Variants in MACROD2 observed in about 807,000 individuals in gnomAD.
MACROD2 encodes the protein mono-ADP ribosylhydrolase 2, also known as ADP-ribose glycohydrolase MACROD2.
Under a neutral mutation model 70.4 loss-of-function variants are expected in MACROD2, and 36 were observed. That is an observed-to-expected ratio of 0.51 (90% confidence interval 0.39 to 0.68). MACROD2 has a LOEUF of 0.68. MACROD2 is among the 30% of genes least tolerant of loss of function. The pLI, the probability that MACROD2 is intolerant of heterozygous loss-of-function variation, is 0.00. For missense variants in MACROD2, 496 were observed against 538.4 expected (o/e 0.92, Z 0.78); for synonymous variants, 172 against 178.8 (o/e 0.96, Z 0.30).
In MACROD2 at chr20:15,072,664, G is replaced by T. The variant is rs75432676; in HGVS notation, c.419-157276G>T. On this transcript the variant is annotated intron_variant, in intron 5 of 17. Coordinates refer to ENST00000684519, the MANE Select transcript of MACROD2 (RefSeq NM_001351661.2). ...AGCTTTTAGCAAGATTCTTGTTTGA[G>T]GTTAGCCATCCTGCTATATAATCTG... Among the ~76,000 whole-genome samples, 49 of 152,184 alleles carry T rather than the reference G, an allele frequency of 3.2e-4. 1 individual carries two copies. The East Asian group carries it at 9.3e-3, about 29-fold the overall frequency.
chr20:14,448,108 C>T (rs1490417989), intron 3 of MACROD2, among the ~76,000 whole-genome samples: 1 of 151,626 alleles, frequency 6.6e-6, no homozygotes, highest in Non-Finnish European at 1.5e-5. Flanking sequence ...CAAGTGAGAA[C>T]TTTGCAGCCC....
At chr20:15,879,998 C>A (rs1400165269) in intron 9 of MACROD2, among the ~76,000 whole-genome samples, 1 of 152,126 alleles carries the variant, frequency 6.6e-6, no homozygotes, top group African/African-American at 2.4e-5. Flanking sequence ...TTCCCTCTTA[C>A]TCTCCAGGGG....
intron 7 of MACROD2, among the ~76,000 whole-genome samples, chr20:15,453,334 C>T (rs963741026): frequency 3.9e-5 from 6 of 151,900 alleles, no homozygotes; most frequent in Non-Finnish European, 8.8e-5. Context: ...TCTCTTTCTC[C>T]CTCCCTCCCC....
intron 6 of MACROD2, among the ~76,000 whole-genome samples, chr20:15,362,687 T>A (rs1189333714): frequency 6.6e-6 from 1 of 152,108 alleles, no homozygotes; most frequent in African/African-American, 2.4e-5. Context: ...AATGTAGTGA[T>A]CAAATAAATT....
chr20:15,082,907 G>T (rs1012345914), intron 5 of MACROD2, among the ~76,000 whole-genome samples: 2 of 152,136 alleles, frequency 1.3e-5, no homozygotes, highest in Non-Finnish European at 2.9e-5. Flanking sequence ...GTGGTTATAA[G>T]ATTGTTAAAT....
At chr20:14,900,069 G>T (rs1376774240) in intron 5 of MACROD2, among the ~76,000 whole-genome samples, 1 of 152,022 alleles carries the variant, frequency 6.6e-6, no homozygotes, top group African/African-American at 2.4e-5. Flanking sequence ...ATTGAGATGA[G>T]CATATGGTTT....
At chr20:14,316,558 T>C (rs902200568) in intron 3 of MACROD2, among the ~76,000 whole-genome samples, 7 of 152,154 alleles carry the variant, frequency 4.6e-5, no homozygotes, top group Non-Finnish European at 8.8e-5. Flanking sequence ...CATGAGTTTT[T>C]TTTGTGATTT....
chr20:15,646,209 C>T (rs1205306041), intron 8 of MACROD2, among the ~76,000 whole-genome samples: 1 of 152,148 alleles, frequency 6.6e-6, no homozygotes, highest in East Asian at 1.9e-4. Flanking sequence ...TATTAATTCA[C>T]AGCAAAAACA....
At chr20:15,221,860 T>C (rs2076864666) in intron 5 of MACROD2, among the ~76,000 whole-genome samples, 1 of 152,204 alleles carries the variant, frequency 6.6e-6, no homozygotes, top group Non-Finnish European at 1.5e-5. Context: ...GAACCAACTT[T>C]CCAGTTGAGC....
chr20:15,328,979 G>A (rs2077962614), intron 6 of MACROD2, among the ~76,000 whole-genome samples: 1 of 151,746 alleles, frequency 6.6e-6, no homozygotes, highest in African/African-American at 2.4e-5. Context: ...AAAATACTAT[G>A]GTGTATTTAT....
intron 6 of MACROD2, among the ~76,000 whole-genome samples, chr20:15,248,920 AATTT>A (rs1271150678): frequency 9.8e-5 from 15 of 152,328 alleles, no homozygotes; most frequent in Middle Eastern, 3.4e-3. Flanking sequence ...GGTTACAAGG[AATTT>A]ATTGGGTAGT....
rs13038888 is a variant in MACROD2 at position 15,317,971 on chromosome 20, G to C, written c.540+87910G>C. Among the ~76,000 whole-genome samples, 1,015 of 152,078 alleles carry C rather than the reference G, an allele frequency of 6.7e-3. 8 individuals carry two copies. The highest frequency in any genetic ancestry group is 0.01 in the Non-Finnish European group (702 of 67,950). ...CATAAAATTAGCCATCAGAGATATA[G>C]TTAATAAAACTAAAAGTTAGATCCT... On this transcript the variant is annotated intron_variant, in intron 6 of 17. Transcript: ENST00000684519.
At chr20:14,661,553 T>A (rs1240101438) in intron 4 of MACROD2, among the ~76,000 whole-genome samples, 2 of 152,314 alleles carry the variant, frequency 1.3e-5, no homozygotes, top group East Asian at 3.9e-4. Flanking sequence ...CTCTGTAGTT[T>A]AATTAGGTCT....
intron 4 of MACROD2, among the ~76,000 whole-genome samples, chr20:14,590,109 T>C (rs1403464276): frequency 1.3e-5 from 2 of 152,180 alleles, no homozygotes; most frequent in Non-Finnish European, 2.9e-5. Flanking sequence ...TATCTTTTGG[T>C]AACTCTTGAG....
At chr20:14,772,881 A>G (rs1334243018) in intron 5 of MACROD2, among the ~76,000 whole-genome samples, 1 of 152,066 alleles carries the variant, frequency 6.6e-6, no homozygotes, top group African/African-American at 2.4e-5. Flanking sequence ...AAAGTGGCTT[A>G]AACAATTTTT....
chr20:14,553,072 T>C (rs1978768295), intron 4 of MACROD2, among the ~76,000 whole-genome samples: 1 of 152,026 alleles, frequency 6.6e-6, no homozygotes, highest in Non-Finnish European at 1.5e-5. Context: ...ACTTTTTTAC[T>C]ATTTTGTAAT....
At chr20:15,416,374 T>C (rs901717027) in intron 6 of MACROD2, among the ~76,000 whole-genome samples, 1 of 152,238 alleles carries the variant, frequency 6.6e-6, no homozygotes, top group Non-Finnish European at 1.5e-5. Flanking sequence ...AATTCCCTTG[T>C]TAAATATAAA....
At chr20:14,791,997 T>C (rs2072456405) in intron 5 of MACROD2, among the ~76,000 whole-genome samples, 2 of 152,096 alleles carry the variant, frequency 1.3e-5, no homozygotes, top group Admixed American at 6.6e-5. Flanking sequence ...AATCCTATCT[T>C]TCTCAACATT....
chr20:14,228,178 G>T (rs148613836), intron 3 of MACROD2, among the ~76,000 whole-genome samples: 131,996 of 147,868 alleles, frequency 0.89, 58,456 homozygotes, highest in East Asian at 0.98. Flanking sequence ...TATATAGAGA[G>T]AGAGAGAGAG....
Sources: gnomAD v4.1 joint callset for allele counts (sites outside exome capture counted in the v4.1 genomes callset) on GRCh38, gnomAD v4.1.1 for gene constraint, MANE v1.5 for transcripts, NCBI Gene and HGNC (gene_info 2026-07-23, HGNC 2026-07-21) for gene names.